FSD1: variants seen among roughly 807,000 people sequenced by gnomAD.
FSD1 encodes fibronectin type III and SPRY domain containing 1.
A neutral mutation model predicts 58.2 loss-of-function variants in FSD1; 23 were observed. That is an observed-to-expected ratio of 0.40 (90% confidence interval 0.28 to 0.56). The LOEUF (loss-of-function observed/expected upper bound fraction) is 0.56, where lower values mean the gene tolerates loss of function less well. Among genes scored for constraint, FSD1 ranks in the 20% least tolerant of loss-of-function variants. The pLI is 0.54. For synonymous variants in FSD1, 265 were observed against 263.4 expected, an observed-to-expected ratio of 1.01 and a Z score of -0.06; for missense variants, 563 against 670.8, an observed-to-expected ratio of 0.84 and a Z score of 1.78.
intron 2 of FSD1, 31 bp from the exon 3 acceptor site, chr19:4,306,167 G>A: frequency 6.2e-7 from 1 of 1,613,880 alleles, no homozygotes. Flanking sequence ...CTGAACACGG[G>A]CTTTGGCCGA....
At chr19:4,304,958 T>C (rs1368511991) in intron 1 of FSD1, among the ~76,000 whole-genome samples, 197 bp downstream of exon 1, 3 of 120,008 alleles carry the variant, frequency 2.5e-5, no homozygotes, top group Non-Finnish European at 5.0e-5. Flanking sequence ...ACATCTTGGC[T>C]TGGGGCCAGG....
intron 6 of FSD1, chr19:4,311,108 T>A (rs67305248): frequency 6.4e-6 from 1 of 156,754 alleles, no homozygotes; most frequent in Non-Finnish European, 1.4e-5. Context: ...GAATACCATG[T>A]CGTTGGGGGA....
At chr19:4,314,917 C>T (rs1310277361) in intron 7 of FSD1, among the ~76,000 whole-genome samples, 3 of 152,212 alleles carry the variant, frequency 2.0e-5, no homozygotes, top group Non-Finnish European at 2.9e-5. Flanking sequence ...CCAGGTGCTA[C>T]GCTTTATAAC....
chr19:4,317,921 G>A (rs1971772089), intron 8 of FSD1, among the ~76,000 whole-genome samples: 1 of 152,176 alleles, frequency 6.6e-6, no homozygotes, highest in South Asian at 2.1e-4. Flanking sequence ...GGAGGCTGAG[G>A]CAGGAGAATC....
chr19:4,305,070 C>T (rs1213921951), intron 1 of FSD1, among the ~76,000 whole-genome samples: 2 of 133,906 alleles, frequency 1.5e-5, no homozygotes, highest in African/African-American at 2.8e-5. Flanking sequence ...GGCGTCCCGG[C>T]CCCCCGCCCC....
intron 7 of FSD1, among the ~76,000 whole-genome samples, chr19:4,315,194 C>T (rs1341028656): frequency 6.6e-6 from 1 of 151,748 alleles, no homozygotes; most frequent in Non-Finnish European, 1.5e-5. Flanking sequence ...GGCTTGATCT[C>T]GGCTCTCTGC....
chr19:4,318,081 C>T (rs906326645), intron 8 of FSD1, among the ~76,000 whole-genome samples: 1 of 151,876 alleles, frequency 6.6e-6, no homozygotes, highest in Non-Finnish European at 1.5e-5. Context: ...CAACCCTTGG[C>T]CTTCGCGCTT....
At chr19:4,309,611 G>T (rs1408970818) in intron 4 of FSD1, among the ~76,000 whole-genome samples, 1 of 152,106 alleles carries the variant, frequency 6.6e-6, no homozygotes, top group East Asian at 1.9e-4. Flanking sequence ...TTATGATTTG[G>T]TAGAAACAAA....
chr19:4,307,607 G>C (rs1971636380), intron 3 of FSD1, among the ~76,000 whole-genome samples: 1 of 152,214 alleles, frequency 6.6e-6, no homozygotes, highest in South Asian at 2.1e-4. Context: ...GACCTCAGGT[G>C]ATCCTCCCGC....
Position 4,310,143 on chromosome 19 carries a change from T to G in FSD1, c.346-130T>G. On this transcript the variant is annotated intron_variant, in intron 4 of 12. Coordinates refer to ENST00000221856, the MANE Select transcript of FSD1 (RefSeq NM_024333.3). Reference sequence around the variant, plus strand: ...CTCAGGAGGCTGAGGCAGAATTGCTTGAACCCAGGAGGTGGAGGTTGCAGT... The same window carrying G: ...CTCAGGAGGCTGAGGCAGAATTGCTGGAACCCAGGAGGTGGAGGTTGCAGT... 3.0e-6 allele frequency: 3 copies of G among 1,006,932 alleles called. No homozygotes were observed. In the South Asian group the frequency reaches 4.1e-5, roughly 14 times the overall value. The allele number at this position is 1,006,932 out of a possible 1,614,324, so 62.4% of individuals were successfully genotyped here.
At chr19:4,314,040 GAAAA>G (rs375340698) in intron 7 of FSD1, among the ~76,000 whole-genome samples, 1 of 149,416 alleles carries the variant, frequency 6.7e-6, no homozygotes, top group African/African-American at 2.5e-5. Context: ...AAAAAAAAAA[GAAAA>G]AAAAAGCCAT....
intron 9 of FSD1, among the ~76,000 whole-genome samples, 174 bp from the exon 10 acceptor site, chr19:4,318,698 G>A (rs1481159920): frequency 2.0e-5 from 3 of 152,148 alleles, no homozygotes; most frequent in African/African-American, 7.2e-5. Context: ...ATGACGGAGG[G>A]CACAGGCATG....
At chr19:4,315,372 T>C (rs908335225) in intron 7 of FSD1, among the ~76,000 whole-genome samples, 39 of 143,564 alleles carry the variant, frequency 2.7e-4, no homozygotes, top group Admixed American at 1.6e-3. Context: ...GCAGTGGTGC[T>C]ATCTCGGCTC....
At chr19:4,307,052 G>A (rs1397536066) in intron 3 of FSD1, among the ~76,000 whole-genome samples, 1 of 151,190 alleles carries the variant, frequency 6.6e-6, no homozygotes, top group Non-Finnish European at 1.5e-5. Context: ...AGGCATGTGA[G>A]TTTTTGGTTT....
chr19:4,313,376 A>C (rs1309114511), intron 7 of FSD1, among the ~76,000 whole-genome samples: 3 of 151,364 alleles, frequency 2.0e-5, no homozygotes, highest in African/African-American at 7.3e-5. Context: ...GAAAAAAAAA[A>C]ACAAAACCCA....
At chr19:4,308,660 A>T (rs758653677) in intron 4 of FSD1, among the ~76,000 whole-genome samples, 7 of 152,160 alleles carry the variant, frequency 4.6e-5, no homozygotes, top group Non-Finnish European at 1.0e-4. Flanking sequence ...GATCAAGACC[A>T]TCCTAACACA....
chr19:4,318,309 C>T (rs769212801), intron 8 of FSD1, 37 bp from the exon 9 acceptor site: 2 of 1,613,388 alleles, frequency 1.2e-6, no homozygotes, highest in Non-Finnish European at 1.7e-6. Flanking sequence ...CTCCGGGTTT[C>T]CCCATCTCTG....
intron 4 of FSD1, among the ~76,000 whole-genome samples, chr19:4,308,682 T>C (rs1259910541): frequency 2.0e-5 from 3 of 151,830 alleles, no homozygotes; most frequent in South Asian, 4.2e-4. Context: ...TGAAACCCCG[T>C]CTCTACTAAA....
In FSD1 at chr19:4,318,381, C is replaced by A; in HGVS notation, c.835C>A (p.Gln279Lys). 1.2e-6 allele frequency: 2 copies of A among 1,613,944 alleles called. No individual in the cohort carries two copies. Among genetic ancestry groups the A allele is most frequent in the Non-Finnish European group, 1.7e-6 (2 of 1,180,006 alleles). ...CCGCCTGGATGCGTCCACATCCCAC[C>A]AGAACCTGCGGGTGGATGATCTCTC... Reference protein sequence around the residue: ...MFRLDASTSHQNLRVDDLSVE... With the variant: ...MFRLDASTSHKNLRVDDLSVE... The change falls in exon 9 of 13, where the codon CAG (glutamine) becomes AAG (lysine). Residue 279 changes from glutamine to lysine, a missense_variant. Physicochemically the swap from Gln to Lys is moderately conservative, Grantham distance 53. Coordinates refer to ENST00000221856, the MANE Select transcript of FSD1 (RefSeq NM_024333.3).
Sources: gnomAD v4.1 joint callset for allele counts (sites outside exome capture counted in the v4.1 genomes callset) on GRCh38, gnomAD v4.1.1 for gene constraint, MANE v1.5 for transcripts, NCBI Gene and HGNC (gene_info 2026-07-23, HGNC 2026-07-21) for gene names.